STK3: variants seen among roughly 807,000 people sequenced by gnomAD.
STK3 encodes the protein serine/threonine-protein kinase 3.
A neutral mutation model predicts 58.0 loss-of-function variants in STK3; 41 were observed. That is an observed-to-expected ratio of 0.71 (90% confidence interval 0.55 to 0.92). The LOEUF (loss-of-function observed/expected upper bound fraction) is 0.92, where lower values mean the gene tolerates loss of function less well. Among genes scored for constraint, STK3 ranks in the 40% least tolerant of loss-of-function variants. STK3 has a pLI of 0.00. For synonymous variants in STK3, 170 were observed against 191.0 expected, an observed-to-expected ratio of 0.89 and a Z score of 0.91; for missense variants, 479 against 602.7, an observed-to-expected ratio of 0.79 and a Z score of 2.15.
At chr8:98,557,596 C>T (rs1339625737) in intron 8 of STK3, among the ~76,000 whole-genome samples, 1 of 152,064 alleles carries the variant, frequency 6.6e-6, no homozygotes, top group African/African-American at 2.4e-5. Context: ...TTAAGTGCCA[C>T]TTCAATGTCT....
intron 7 of STK3, among the ~76,000 whole-genome samples, chr8:98,580,437 T>C (rs960867009): frequency 6.6e-6 from 1 of 152,130 alleles, no homozygotes; most frequent in Non-Finnish European, 1.5e-5. Context: ...AGAATAGACC[T>C]AGGTTTTGAA....
At chr8:98,402,533 G>A (rs1370583938) in intron 3 of STK3, among the ~76,000 whole-genome samples, 5 of 152,208 alleles carry the variant, frequency 3.3e-5, no homozygotes, top group Admixed American at 3.3e-4. Flanking sequence ...GCAGAGCAAA[G>A]CCAGATAGGT....
chr8:98,603,705 T>C (rs1816540753), intron 6 of STK3, among the ~76,000 whole-genome samples: 1 of 151,722 alleles, frequency 6.6e-6, no homozygotes, highest in Admixed American at 6.6e-5. Flanking sequence ...ATCTGTCCCC[T>C]CCAAATCTCA....
intron 1 of STK3, chr8:98,439,240 A>G (rs186485859): frequency 1.3e-5 from 2 of 152,320 alleles, no homozygotes; most frequent in East Asian, 3.9e-4. Context: ...AAATGCTGAC[A>G]AATAATAAAT....
chr8:98,866,774 T>C (rs1018820333), intron 3 of STK3, among the ~76,000 whole-genome samples: 1 of 152,150 alleles, frequency 6.6e-6, no homozygotes, highest in Non-Finnish European at 1.5e-5. Context: ...ACAGCTGCAA[T>C]AGAGGTTTCA....
chr8:98,524,799 T>C (rs983016427), intron 10 of STK3, among the ~76,000 whole-genome samples: 1 of 152,196 alleles, frequency 6.6e-6, no homozygotes, highest in Non-Finnish European at 1.5e-5. Context: ...TTCAGCCCCA[T>C]TCAAGTCAGC....
upstream of STK3, among the ~76,000 whole-genome samples, chr8:98,829,306 T>G (rs563617312): frequency 1.3e-5 from 2 of 152,324 alleles, no homozygotes; most frequent in South Asian, 4.1e-4. Context: ...ATGTCCTATG[T>G]TCCCCTAACC....
At chr8:98,905,587 G>A (rs56298934) in intron 1 of STK3, 10 of 1,060,374 alleles carry the variant, frequency 9.4e-6, no homozygotes, top group Non-Finnish European at 1.5e-5. Flanking sequence ...TCACATTCCA[G>A]CACCTTCCCT....
chr8:98,741,101 C>T (rs995508584), intron 4 of STK3, among the ~76,000 whole-genome samples: 6 of 152,168 alleles, frequency 3.9e-5, no homozygotes, highest in Non-Finnish European at 8.8e-5. Context: ...AAAGCAAGTC[C>T]TGACTGACCT....
At chr8:98,412,134 T>C (rs950939290) in intron 3 of STK3, among the ~76,000 whole-genome samples, 3 of 152,176 alleles carry the variant, frequency 2.0e-5, no homozygotes, top group African/African-American at 7.2e-5. Flanking sequence ...GCTCCCGAGG[T>C]GCTGCCTGCG....
the STK3 span, among the ~76,000 whole-genome samples, chr8:98,356,565 G>A: frequency 1.3e-5 from 2 of 151,716 alleles, no homozygotes; most frequent in Admixed American, 6.6e-5. Flanking sequence ...AAGCCAGGGG[G>A]GCTCCAGTAC....
intron 9 of STK3, among the ~76,000 whole-genome samples, chr8:98,543,523 C>T (rs995040863): frequency 2.0e-5 from 3 of 152,168 alleles, no homozygotes; most frequent in Non-Finnish European, 4.4e-5. Flanking sequence ...TGAGATGTTA[C>T]TTCCATGAAG....
At chr8:98,583,311 T>C (rs1343014974) in intron 7 of STK3, among the ~76,000 whole-genome samples, 1 of 152,194 alleles carries the variant, frequency 6.6e-6, no homozygotes, top group Non-Finnish European at 1.5e-5. Flanking sequence ...AGAGGGTTAC[T>C]TCTAAATATT....
At chr8:98,435,407 C>T (rs1199035722) in intron 2 of STK3, among the ~76,000 whole-genome samples, 1 of 152,248 alleles carries the variant, frequency 6.6e-6, no homozygotes, top group Non-Finnish European at 1.5e-5. Context: ...AGTAAGCCAT[C>T]TGAAGAGCCT....
intron 1 of STK3, among the ~76,000 whole-genome samples, chr8:98,900,645 T>G (rs984224847): frequency 2.0e-5 from 3 of 151,896 alleles, no homozygotes; most frequent in African/African-American, 7.3e-5. Flanking sequence ...AAGATTGTTA[T>G]AGTTTTATAT....
intron 3 of STK3, chr8:98,427,753 A>T: frequency 2.1e-6 from 1 of 475,708 alleles, no homozygotes; most frequent in Non-Finnish European, 3.7e-6. Flanking sequence ...GAGCTGTGCT[A>T]ATAGAAACAT....
At chr8:98,942,225 C>A (rs1000809483) in intron 1 of STK3, among the ~76,000 whole-genome samples, 2 of 152,142 alleles carry the variant, frequency 1.3e-5, no homozygotes, top group African/African-American at 4.8e-5. Flanking sequence ...CCCAGGAGGG[C>A]CCGCGGACGG....
chr8:98,749,988 C>CA (rs1490486836), intron 3 of STK3, among the ~76,000 whole-genome samples: 1 of 151,974 alleles, frequency 6.6e-6, no homozygotes, highest in Non-Finnish European at 1.5e-5. Context: ...TAGAAAGGGA[C>CA]AAATGACCAT....
chr8:98,894,551 A>C (rs562860144), intron 1 of STK3, among the ~76,000 whole-genome samples: 1 of 152,304 alleles, frequency 6.6e-6, no homozygotes, highest in Non-Finnish European at 1.5e-5. Flanking sequence ...GTTTGTTCCC[A>C]GCATTTATTG....
Sources: gnomAD v4.1 joint callset for allele counts (sites outside exome capture counted in the v4.1 genomes callset) on GRCh38, gnomAD v4.1.1 for gene constraint, MANE v1.5 for transcripts, NCBI Gene and HGNC (gene_info 2026-07-23, HGNC 2026-07-21) for gene names.